Variants in WDTC1 observed in about 807,000 individuals in gnomAD.
WDTC1 encodes the protein WD and tetratricopeptide repeats protein 1.
WDTC1 carries 12 observed loss-of-function variants against 76.0 expected under a neutral mutation model. That is an observed-to-expected ratio of 0.16 (90% CI 0.10 to 0.26). The LOEUF (loss-of-function observed/expected upper bound fraction) is 0.26, where lower values mean the gene tolerates loss of function less well. Among genes scored for constraint, WDTC1 ranks in the 10% least tolerant of loss-of-function variants. WDTC1 has a pLI of 1.00. For synonymous variants in WDTC1, 326 were observed against 350.8 expected, an observed-to-expected ratio of 0.93 and a Z score of 0.79; for missense variants, 511 against 908.8, an observed-to-expected ratio of 0.56 and a Z score of 5.63.
chr1:27,302,347 A>G (rs927136651), intron 13 of WDTC1, among the ~76,000 whole-genome samples: 1 of 145,716 alleles, frequency 6.9e-6, no homozygotes, highest in Non-Finnish European at 1.5e-5. Flanking sequence ...GCATGCTGGG[A>G]GGGGGTGGGC....
At position 27,261,003 on chromosome 1, in the gene WDTC1, G is replaced by A; in HGVS notation, c.-52G>A. 1 of 1,602,394 alleles carries A rather than the reference G, an allele frequency of 6.2e-7. No individual in the cohort carries two copies. The highest frequency in any genetic ancestry group is 8.5e-7 in the Non-Finnish European group (1 of 1,171,078). On this transcript the variant is annotated 5_prime_UTR_variant, in exon 2 of 16. Transcript: ENST00000319394. Reference sequence around the variant, plus strand: ...GACCTGGGCTTGGCTGGAATGCTCAGGGGTCCTGAAGATCCTATTATAGCT... The same window carrying A: ...GACCTGGGCTTGGCTGGAATGCTCAAGGGTCCTGAAGATCCTATTATAGCT...
chr1:27,279,272 G>A (rs541482714), intron 3 of WDTC1, among the ~76,000 whole-genome samples: 18 of 152,116 alleles, frequency 1.2e-4, no homozygotes, highest in Admixed American at 7.9e-4. Context: ...AGTGGCTCAC[G>A]CATGTAATCC....
At chr1:27,295,867 G>A (rs1248891954) in intron 9 of WDTC1, among the ~76,000 whole-genome samples, 2 of 152,126 alleles carry the variant, frequency 1.3e-5, no homozygotes, top group African/African-American at 4.8e-5. Flanking sequence ...CCAGGCTCAA[G>A]TGATTCCCCC....
intron 12 of WDTC1, among the ~76,000 whole-genome samples, chr1:27,299,929 G>A (rs1267799312): frequency 6.6e-6 from 1 of 152,162 alleles, no homozygotes; most frequent in Non-Finnish European, 1.5e-5. Flanking sequence ...GATGCAGTGG[G>A]AGCTGTCACC....
intron 12 of WDTC1, among the ~76,000 whole-genome samples, chr1:27,300,248 T>C (rs1435722388): frequency 1.3e-5 from 2 of 152,052 alleles, no homozygotes; most frequent in Non-Finnish European, 2.9e-5. Context: ...AGCTGTGCCC[T>C]TGGAGAAGGG....
chr1:27,283,201 C>T (rs977911628), intron 4 of WDTC1, 137 bp from the exon 5 acceptor site: 1 of 679,708 alleles, frequency 1.5e-6, no homozygotes, highest in Non-Finnish European at 2.5e-6. Context: ...CAGCTGTTTA[C>T]AAGGCAACCT....
chr1:27,267,432 T>C (rs1374994659), intron 3 of WDTC1, among the ~76,000 whole-genome samples: 2 of 152,084 alleles, frequency 1.3e-5, no homozygotes, highest in Non-Finnish European at 2.9e-5. Context: ...TTGCTAGAGA[T>C]GGAGTTTCGC....
At chr1:27,254,694 G>A (rs1268581487) in intron 1 of WDTC1, among the ~76,000 whole-genome samples, 1 of 152,048 alleles carries the variant, frequency 6.6e-6, no homozygotes, top group Non-Finnish European at 1.5e-5. Flanking sequence ...ATGCAGTGGC[G>A]CAATCTCGGC....
intron 12 of WDTC1, among the ~76,000 whole-genome samples, chr1:27,298,379 T>C (rs150723973): frequency 5.3e-4 from 80 of 152,298 alleles, no homozygotes; most frequent in African/African-American, 1.9e-3. Flanking sequence ...ACATGGCATA[T>C]TATTATAAAG....
intron 5 of WDTC1, 116 bp downstream of exon 5, chr1:27,283,565 A>G: frequency 1.3e-6 from 1 of 798,118 alleles, no homozygotes; most frequent in Non-Finnish European, 2.0e-6. Context: ...AGGGTCACAG[A>G]CAACCTTATG....
At chr1:27,276,353 G>A (rs1157773199) in intron 3 of WDTC1, among the ~76,000 whole-genome samples, 2 of 152,176 alleles carry the variant, frequency 1.3e-5, no homozygotes, top group Non-Finnish European at 2.9e-5. Context: ...AGAAATGTGT[G>A]AGGGTTCCAA....
chr1:27,291,033 G>A (rs1487791367), intron 6 of WDTC1, among the ~76,000 whole-genome samples: 2 of 152,272 alleles, frequency 1.3e-5, no homozygotes, highest in East Asian at 1.9e-4. Context: ...TGGTAGAAGC[G>A]GAGCGTCTAG....
In WDTC1 at chr1:27,298,009, A is replaced by G; in HGVS notation, c.1130A>G (p.Gln377Arg). The change falls in exon 12 of 16, where the codon CAG (glutamine) becomes CGG (arginine). Residue 377 changes from glutamine (Q) to arginine (R), a missense_variant. Transcript: ENST00000319394. Reference protein sequence around the residue: ...QQANEAFACQQWTQAIQLYSK... With the variant: ...QQANEAFACQRWTQAIQLYSK... ...GCCAATGAGGCTTTTGCCTGCCAGC[A>G]GTGGACCCAAGCCATTCAGCTTTAC... 1 of 1,614,154 alleles carries G rather than the reference A, an allele frequency of 6.2e-7. No homozygotes were observed. The highest frequency in any genetic ancestry group is 8.5e-7 in the Non-Finnish European group (1 of 1,179,992).
At chr1:27,276,921 A>G (rs2013045458) in intron 3 of WDTC1, among the ~76,000 whole-genome samples, 1 of 152,002 alleles carries the variant, frequency 6.6e-6, no homozygotes, top group African/African-American at 2.4e-5. Context: ...GTTGAGTTAT[A>G]AGATATGTAT....
chr1:27,278,035 G>A (rs2147954828), intron 3 of WDTC1, among the ~76,000 whole-genome samples: 1 of 152,060 alleles, frequency 6.6e-6, no homozygotes, highest in South Asian at 2.1e-4. Flanking sequence ...TAGAGATGGG[G>A]TTTCACCATG....
chr1:27,263,445 A>T (rs115016300), intron 3 of WDTC1, among the ~76,000 whole-genome samples: 2,609 of 152,030 alleles, frequency 0.017, 29 homozygotes, highest in East Asian at 0.024. Context: ...ATTTTATTTT[A>T]TTTTTTGAGA....
intron 1 of WDTC1, among the ~76,000 whole-genome samples, chr1:27,251,540 C>T (rs1035376614): frequency 2.6e-5 from 4 of 152,050 alleles, no homozygotes; most frequent in South Asian, 4.1e-4. Flanking sequence ...ACCTTTGGGC[C>T]GGAGCACAGT....
intron 8 of WDTC1, 59 bp downstream of exon 8, chr1:27,294,175 G>T: frequency 1.3e-6 from 2 of 1,559,040 alleles, no homozygotes; most frequent in Non-Finnish European, 1.8e-6. Context: ...TCTTTTGGGG[G>T]CAGTCCAGGG....
intron 1 of WDTC1, among the ~76,000 whole-genome samples, chr1:27,246,862 A>AT (rs557734769): frequency 0.033 from 2,969 of 89,110 alleles, 76 homozygotes; most frequent in Middle Eastern, 0.066. Context: ...ACGCCCAGCC[A>AT]TTTTTTTTTT....
Sources: allele counts gnomAD v4.1 joint callset (sites outside exome capture counted in the v4.1 genomes callset), GRCh38; gene constraint gnomAD v4.1.1; transcripts MANE v1.5; gene names NCBI Gene and HGNC (gene_info 2026-07-23, HGNC 2026-07-21).